NEK11: variants seen among roughly 807,000 people sequenced by gnomAD.
NEK11 encodes the protein serine/threonine-protein kinase Nek11.
In NEK11, 72 loss-of-function variants were observed where a neutral mutation model predicts 80.7. The observed-to-expected ratio is 0.89, with a 90% CI of 0.74 to 1.08. NEK11 has a LOEUF of 1.08. NEK11 is among the 50% of genes least tolerant of loss of function. The probability of loss-of-function intolerance (pLI) is 0.00; values close to 1 mark genes in which losing one functional copy is unlikely to be tolerated. For synonymous variants in NEK11, 251 were observed against 260.7 expected, an observed-to-expected ratio of 0.96 and a Z score of 0.36; for missense variants, 764 against 763.6, an observed-to-expected ratio of 1.00 and a Z score of -0.01.
intron 16 of NEK11, among the ~76,000 whole-genome samples, chr3:131,259,326 G>T (rs1298100658): frequency 6.6e-6 from 1 of 152,188 alleles, no homozygotes; most frequent in Non-Finnish European, 1.5e-5. Context: ...CTTCTGCCCT[G>T]TACCAATAAA....
At chr3:131,170,946 GC>G (rs771909630) in intron 14 of NEK11, 59 bp downstream of exon 14, 40 of 1,274,588 alleles carry the variant, frequency 3.1e-5, no homozygotes, top group Non-Finnish European at 3.4e-6. Flanking sequence ...GGTTGCTGTG[GC>G]CGACTTTGCA....
At chr3:131,335,827 GACAA>G (rs1203154631) in intron 17 of NEK11, among the ~76,000 whole-genome samples, 2 of 152,130 alleles carry the variant, frequency 1.3e-5, no homozygotes, top group South Asian at 2.1e-4. Context: ...ATCAATAACA[GACAA>G]ACAGAGAGCC....
rs1481116473 is a variant in NEK11 at position 131,084,306 on chromosome 3, A to G, written c.336+3718A>G. 1.5e-4 allele frequency among the ~76,000 whole-genome samples: 23 copies of G among 152,250 alleles called. 1 individual carries two copies. The highest frequency in any genetic ancestry group is 1.5e-3 in the Admixed American group (23 of 15,286). The stretch of plus-strand genomic sequence containing the variant: ...CCACATAGTGAACCACAAAGAAGTT[A>G]GCACTCAAGATATTTTTTGATGTAT... On this transcript the variant is annotated intron_variant, in intron 4 of 17. Coordinates refer to ENST00000383366, the MANE Select transcript of NEK11 (RefSeq NM_024800.5).
intron 17 of NEK11, among the ~76,000 whole-genome samples, chr3:131,284,238 T>G (rs1182176071): frequency 6.6e-6 from 1 of 152,210 alleles, no homozygotes; most frequent in Non-Finnish European, 1.5e-5. Flanking sequence ...CTTATCATCT[T>G]TCTCTGAAGC....
At chr3:131,115,926 CTTTCTTTCTTTCTTTCT>C (rs2081003482) in intron 5 of NEK11, among the ~76,000 whole-genome samples, 2 of 105,746 alleles carry the variant, frequency 1.9e-5, no homozygotes, top group African/African-American at 7.5e-5. Flanking sequence ...TTCTTTCTTT[CTTTCTTTCTTTCTTTCT>C]TTCTTTCTTT....
At chr3:131,100,223 C>T (rs911529480) in intron 4 of NEK11, among the ~76,000 whole-genome samples, 3 of 152,184 alleles carry the variant, frequency 2.0e-5, no homozygotes, top group East Asian at 1.9e-4. Flanking sequence ...ATATGGTTTT[C>T]GCTTTTAATT....
At chr3:131,264,835 C>A (rs995612304) in intron 16 of NEK11, among the ~76,000 whole-genome samples, 1 of 152,110 alleles carries the variant, frequency 6.6e-6, no homozygotes, top group African/African-American at 2.4e-5. Flanking sequence ...ATTGATTCTT[C>A]CTATCCATGA....
intron 17 of NEK11, among the ~76,000 whole-genome samples, chr3:131,283,781 G>A (rs1232688707): frequency 6.6e-6 from 1 of 152,130 alleles, no homozygotes; most frequent in East Asian, 1.9e-4. Context: ...ACTGCTGATT[G>A]AAATCAGCAT....
At chr3:131,191,222 T>C (rs1319959132) in intron 14 of NEK11, among the ~76,000 whole-genome samples, 2 of 152,188 alleles carry the variant, frequency 1.3e-5, no homozygotes, top group Non-Finnish European at 2.9e-5. Context: ...ACAAACTTAG[T>C]GGCTTAAGCA....
At position 131,280,726 on chromosome 3, in the gene NEK11, C is replaced by G. The variant is rs183489760; in HGVS notation, c.1718+7152C>G. Among the ~76,000 whole-genome samples the G allele has an allele frequency of 2.4e-4, 37 of 152,278 alleles. No individual in the cohort carries two copies. The South Asian group carries it at 4.8e-3, about 20-fold the overall frequency. ...CTTTGACATTGTGAGTTAAAACTCA[C>G]CCTGTGTGGGTGTTGGATAATTCTG... is the stretch of plus-strand genomic sequence containing the variant. On this transcript the variant is annotated intron_variant, in intron 17 of 17. Coordinates refer to ENST00000383366, the MANE Select transcript of NEK11 (RefSeq NM_024800.5).
chr3:131,185,879 C>A (rs536597873), intron 14 of NEK11, among the ~76,000 whole-genome samples: 2 of 152,154 alleles, frequency 1.3e-5, no homozygotes, highest in South Asian at 2.1e-4. Context: ...TGGGGCCAGA[C>A]TTTGTCTTTT....
Position 131,282,024 on chromosome 3 carries a change from A to G in NEK11, c.1718+8450A>G, listed in dbSNP as rs371111853. On this transcript the variant is annotated intron_variant, in intron 17 of 17. Coordinates refer to ENST00000383366, the MANE Select transcript of NEK11 (RefSeq NM_024800.5). Reference sequence around the variant, plus strand: ...TTTAGCCTCAGGTTTCAGCTGAGATATCCAACACAGCTTTCCAGAAACCTT... The same window carrying G: ...TTTAGCCTCAGGTTTCAGCTGAGATGTCCAACACAGCTTTCCAGAAACCTT... Among the ~76,000 whole-genome samples the G allele has an allele frequency of 3.5e-4, 54 of 152,376 alleles. 1 individual carries two copies. The South Asian group carries it at 0.011, about 30-fold the overall frequency.
At position 131,349,890 on chromosome 3, in the gene NEK11, T is replaced by C; in HGVS notation, c.*114T>C. ...GGATACAAAAGCAGAGCTCCCATCT[T>C]GACTTTCAATTCCTCATCAGAAGTA... On this transcript the variant is annotated 3_prime_UTR_variant, in exon 18 of 18. Transcript: ENST00000383366. 1 of 757,530 alleles carries C rather than the reference T, an allele frequency of 1.3e-6. No individual in the cohort carries two copies. The highest frequency in any genetic ancestry group is 2.1e-6 in the Non-Finnish European group (1 of 468,216). The allele number at this position is 757,530 out of a possible 1,614,324, so 46.9% of individuals were successfully genotyped here. A position where few individuals can be genotyped will look rare whatever the true frequency, so the allele number is the denominator to read the frequency against.
chr3:131,156,489 G>T (rs1003477664), intron 10 of NEK11, among the ~76,000 whole-genome samples: 3 of 152,164 alleles, frequency 2.0e-5, no homozygotes, highest in African/African-American at 7.2e-5. Context: ...TTTTAGAAGT[G>T]TGCCAGTCAT....
chr3:131,290,143 C>T (rs2096528756), intron 17 of NEK11, among the ~76,000 whole-genome samples: 1 of 152,188 alleles, frequency 6.6e-6, no homozygotes, highest in Admixed American at 6.5e-5. Flanking sequence ...TCAGAAATGG[C>T]TCAGCCTCTG....
intron 15 of NEK11, among the ~76,000 whole-genome samples, chr3:131,235,493 G>A (rs867308474): frequency 2.6e-5 from 4 of 152,168 alleles, no homozygotes; most frequent in African/African-American, 7.2e-5. Context: ...TAGACAGGGA[G>A]AGTAAATACC....
At chr3:131,146,641 T>A (rs1273429443) in intron 7 of NEK11, among the ~76,000 whole-genome samples, 1 of 152,190 alleles carries the variant, frequency 6.6e-6, no homozygotes, top group African/African-American at 2.4e-5. Flanking sequence ...ATATTTTTAG[T>A]GATATTTAGC....
intron 14 of NEK11, among the ~76,000 whole-genome samples, chr3:131,219,568 A>T (rs1285244133): frequency 2.0e-5 from 3 of 151,370 alleles, no homozygotes; most frequent in African/African-American, 7.3e-5. Flanking sequence ...AAAAAAAAAA[A>T]GAGGAATAAG....
At chr3:131,250,387 A>C (rs538371084) in intron 16 of NEK11, among the ~76,000 whole-genome samples, 1 of 152,242 alleles carries the variant, frequency 6.6e-6, no homozygotes, top group African/African-American at 2.4e-5. Context: ...AGAAGATAAT[A>C]AAGTTTGAAC....
Sources: allele counts gnomAD v4.1 joint callset (sites outside exome capture counted in the v4.1 genomes callset), GRCh38; gene constraint gnomAD v4.1.1; transcripts MANE v1.5; gene names NCBI Gene and HGNC (gene_info 2026-07-23, HGNC 2026-07-21).